Variants in RIC1 observed in about 807,000 individuals in gnomAD.
RIC1 encodes RIC1 partner of RAB6A GEF complex.
Under a neutral mutation model 169.0 loss-of-function variants are expected in RIC1, and 88 were observed. The observed-to-expected ratio is 0.52, with a 90% CI of 0.44 to 0.62. The LOEUF is 0.62. Among genes scored for constraint, RIC1 ranks in the 20% least tolerant of loss-of-function variants. The pLI is 0.00. For synonymous variants in RIC1, 790 were observed against 601.5 expected, an observed-to-expected ratio of 1.31 and a Z score of -4.59; for missense variants, 1,877 against 1,725.5, an observed-to-expected ratio of 1.09 and a Z score of -1.56.
intron 7 of RIC1, among the ~76,000 whole-genome samples, chr9:5,735,802 C>T (rs1824666457): frequency 6.6e-6 from 1 of 152,146 alleles, no homozygotes; most frequent in South Asian, 2.1e-4. Flanking sequence ...TTACTAGATT[C>T]TGGTTACACA....
intron 2 of RIC1, among the ~76,000 whole-genome samples, chr9:5,684,758 A>G (rs2381363): frequency 0.29 from 44,837 of 152,006 alleles, 7,737 homozygotes; most frequent in East Asian, 0.61. Context: ...GAATATGATG[A>G]AGGCATTCAG....
At chr9:5,635,076 C>T (rs1817906063) in intron 1 of RIC1, among the ~76,000 whole-genome samples, 1 of 152,170 alleles carries the variant, frequency 6.6e-6, no homozygotes, top group Non-Finnish European at 1.5e-5. Context: ...CAGCCTCGAC[C>T]TCTTGGGCTC....
intron 21 of RIC1, among the ~76,000 whole-genome samples, chr9:5,766,999 A>G (rs1275636333): frequency 6.6e-6 from 1 of 152,198 alleles, no homozygotes; most frequent in Non-Finnish European, 1.5e-5. Flanking sequence ...ATCCATGCCA[A>G]CATCTACTGT....
intron 3 of RIC1, among the ~76,000 whole-genome samples, chr9:5,699,927 T>C (rs2130765521): frequency 6.6e-6 from 1 of 152,346 alleles, no homozygotes; most frequent in South Asian, 2.1e-4. Context: ...TGTAAACCTC[T>C]TGGCTTTAAG....
intron 2 of RIC1, among the ~76,000 whole-genome samples, chr9:5,671,268 A>AT (rs1820077501): frequency 1.3e-5 from 2 of 148,380 alleles, no homozygotes; most frequent in African/African-American, 5.1e-5. Flanking sequence ...TATTATTATT[A>AT]TTATTATTTT....
At chr9:5,759,190 A>G (rs1826189550) in intron 17 of RIC1, among the ~76,000 whole-genome samples, 1 of 152,246 alleles carries the variant, frequency 6.6e-6, no homozygotes. Context: ...AGGTGTGAAA[A>G]AAAGTGACAA....
chr9:5,671,334 G>C (rs1820088586), intron 2 of RIC1, among the ~76,000 whole-genome samples: 1 of 150,942 alleles, frequency 6.6e-6, no homozygotes, highest in Non-Finnish European at 1.5e-5. Flanking sequence ...GAGTGGCGCA[G>C]CGCAATCTCT....
intron 6 of RIC1, among the ~76,000 whole-genome samples, chr9:5,727,127 T>C (rs1246133645): frequency 6.6e-6 from 1 of 152,240 alleles, no homozygotes; most frequent in Non-Finnish European, 1.5e-5. Flanking sequence ...GAAGTTCTCC[T>C]GGATAACATC....
intron 3 of RIC1, among the ~76,000 whole-genome samples, chr9:5,696,014 T>G (rs1586965343): frequency 6.6e-6 from 1 of 152,216 alleles, no homozygotes; most frequent in East Asian, 1.9e-4. Context: ...CCTTTAATTC[T>G]TTGTTTCTTC....
intron 2 of RIC1, among the ~76,000 whole-genome samples, chr9:5,685,476 C>T (rs200674869): frequency 3.4e-5 from 5 of 148,948 alleles, no homozygotes; most frequent in African/African-American, 9.8e-5. Flanking sequence ...ACGCCACATA[C>T]CTACAACTAT....
rs769053124 is a variant in RIC1, at chr9:5,743,688, G to T, written c.1047-1G>T. 1 of 1,603,912 alleles carries T rather than the reference G, an allele frequency of 6.2e-7. No homozygotes were observed. Among genetic ancestry groups the T allele is most frequent in the Admixed American group, 1.7e-5 (1 of 59,654 alleles). On this transcript the variant is annotated splice_acceptor_variant, in intron 9 of 25. Coordinates refer to ENST00000414202, the MANE Select transcript of RIC1 (RefSeq NM_020829.4). LOFTEE classifies it high-confidence loss of function. Reference sequence around the variant, plus strand: ...TATATTTAGTTTCTGTTCTGTTTCAGTTATAGGTCTGATGGCACCAAAAAA... The same window carrying T: ...TATATTTAGTTTCTGTTCTGTTTCATTTATAGGTCTGATGGCACCAAAAAA...
intron 25 of RIC1, among the ~76,000 whole-genome samples, 197 bp from the exon 26 acceptor site, chr9:5,773,761 G>C (rs1043855961): frequency 1.3e-5 from 2 of 152,084 alleles, no homozygotes; most frequent in African/African-American, 4.8e-5. Context: ...TAAGCCTCAG[G>C]CTTATGCAAT....
chr9:5,718,605 A>G (rs980017895), intron 4 of RIC1, among the ~76,000 whole-genome samples: 1 of 152,212 alleles, frequency 6.6e-6, no homozygotes, highest in Non-Finnish European at 1.5e-5. Context: ...CAGATTTCCA[A>G]CAGCTTAGAT....
At chr9:5,705,380 G>T (rs926553637) in intron 3 of RIC1, among the ~76,000 whole-genome samples, 8 of 151,862 alleles carry the variant, frequency 5.3e-5, no homozygotes, top group Non-Finnish European at 1.2e-4. Context: ...CCTTGGGTCA[G>T]TTTATTCCCA....
chr9:5,728,618 A>C (rs749273116), intron 6 of RIC1, among the ~76,000 whole-genome samples: 3 of 152,002 alleles, frequency 2.0e-5, no homozygotes, highest in African/African-American at 7.2e-5. Flanking sequence ...CCTCTGCATC[A>C]CTCATGCTGG....
intron 3 of RIC1, among the ~76,000 whole-genome samples, chr9:5,705,617 A>C (rs1329833463): frequency 6.6e-6 from 1 of 152,066 alleles, no homozygotes; most frequent in East Asian, 1.9e-4. Context: ...TTTCTGTTGG[A>C]TGACTTTTCT....
chr9:5,754,764 G>T (rs1679220159), intron 14 of RIC1, 77 bp from the exon 15 acceptor site: 3 of 868,044 alleles, frequency 3.5e-6, no homozygotes, highest in Non-Finnish European at 3.5e-6. Context: ...GTCTGGGTAA[G>T]AATTTTTATA....
At chr9:5,716,338 T>A (rs1823239509) in intron 4 of RIC1, among the ~76,000 whole-genome samples, 1 of 152,178 alleles carries the variant, frequency 6.6e-6, no homozygotes, top group Non-Finnish European at 1.5e-5. Context: ...CTGGGCACGG[T>A]GGCTCATGCC....
At chr9:5,761,743 T>G (rs552600177) in intron 17 of RIC1, among the ~76,000 whole-genome samples, 73 of 152,162 alleles carry the variant, frequency 4.8e-4, no homozygotes, top group Non-Finnish European at 8.2e-4. Context: ...AGAAATGACT[T>G]GATATCTGAG....
Sources: allele counts gnomAD v4.1 joint callset (sites outside exome capture counted in the v4.1 genomes callset), GRCh38; gene constraint gnomAD v4.1.1; transcripts MANE v1.5; gene names NCBI Gene and HGNC (gene_info 2026-07-23, HGNC 2026-07-21).